The following MAPKAP1 variants were observed in gnomAD, a reference collection of about 807,000 sequenced individuals.
The protein encoded by MAPKAP1 is MAPK associated protein 1.
MAPKAP1 carries 20 observed loss-of-function variants against 65.7 expected under a neutral mutation model. The ratio of observed to expected loss-of-function variants is 0.30; its 90% CI spans 0.21 to 0.44. MAPKAP1 has a LOEUF of 0.44. Among genes scored for constraint, MAPKAP1 ranks in the 20% least tolerant of loss-of-function variants. The pLI is 1.00. For synonymous variants in MAPKAP1, 222 were observed against 244.3 expected, an observed-to-expected ratio of 0.91 and a Z score of 0.85; for missense variants, 423 against 648.0, an observed-to-expected ratio of 0.65 and a Z score of 3.77.
chr9:125,466,111 G>A (rs1263734983), intron 10 of MAPKAP1, among the ~76,000 whole-genome samples: 1 of 152,144 alleles, frequency 6.6e-6, no homozygotes, highest in East Asian at 1.9e-4. Context: ...TGAGAGTGGT[G>A]GCTCACGTCT....
chr9:125,444,470 C>A (rs189039134), intron 11 of MAPKAP1, 31 bp downstream of exon 11: 1 of 1,546,722 alleles, frequency 6.5e-7, no homozygotes, highest in Non-Finnish European at 8.9e-7. Context: ...GACCCACCTA[C>A]CCTGTCTCTG....
chr9:125,592,009 G>A (rs1057432346), intron 4 of MAPKAP1, among the ~76,000 whole-genome samples: 1 of 152,200 alleles, frequency 6.6e-6, no homozygotes, highest in Non-Finnish European at 1.5e-5. Flanking sequence ...GGGCAACACA[G>A]AGAAAGTGTT....
intron 1 of MAPKAP1, among the ~76,000 whole-genome samples, chr9:125,695,494 C>T (rs1465845904): frequency 6.6e-6 from 1 of 152,108 alleles, no homozygotes; most frequent in Non-Finnish European, 1.5e-5. Flanking sequence ...TGTCATTTTT[C>T]ATTCTGATAA....
At chr9:125,479,142 A>G (rs1011993383) in intron 9 of MAPKAP1, among the ~76,000 whole-genome samples, 2 of 152,250 alleles carry the variant, frequency 1.3e-5, no homozygotes, top group African/African-American at 2.4e-5. Flanking sequence ...CAGCGCATGC[A>G]AAGAGAACAA....
intron 5 of MAPKAP1, among the ~76,000 whole-genome samples, chr9:125,574,037 A>G (rs1831320400): frequency 6.6e-6 from 1 of 152,250 alleles, no homozygotes; most frequent in Non-Finnish European, 1.5e-5. Flanking sequence ...TGCCTGGTAT[A>G]TAGCAAACAC....
rs144615768 is a variant in MAPKAP1, at chr9:125,638,869, G to C, written c.498+18782C>G. ...CAAAAGGAACGATCACCACCTTTGG[G>C]GCCAACCCCTTCGGGAAAACATGGA... On this transcript the variant is annotated intron_variant, in intron 4 of 11. Coordinates refer to ENST00000265960, the MANE Select transcript of MAPKAP1 (RefSeq NM_001006617.3). Among the ~76,000 whole-genome samples the C allele has an allele frequency of 4.1e-3, 625 of 152,288 alleles. 6 individuals are homozygous for C. The highest frequency in any genetic ancestry group is 0.014 in the African/African-American group (590 of 41,542).
chr9:125,684,327 A>G (rs1054335420), intron 1 of MAPKAP1, among the ~76,000 whole-genome samples: 1 of 152,170 alleles, frequency 6.6e-6, no homozygotes, highest in African/African-American at 2.4e-5. Context: ...GATGGCTGCT[A>G]TTAGTAGCCA....
rs140541980 is a variant in MAPKAP1 at position 125,533,329 on chromosome 9, G to T, written c.958+9730C>A. Among the ~76,000 whole-genome samples, 197 of 152,244 alleles carry T rather than the reference G, an allele frequency of 1.3e-3. 1 individual carries two copies. Among genetic ancestry groups the T allele is most frequent in the African/African-American group, 4.6e-3 (190 of 41,546 alleles). ...GACCCAGAAATGCAAATTAAAATGA[G>T]ATACTGGCTGCTAACCATCAGTTTG... On this transcript the variant is annotated intron_variant, in intron 7 of 11. Coordinates refer to ENST00000265960, the MANE Select transcript of MAPKAP1 (RefSeq NM_001006617.3).
At chr9:125,472,968 T>C (rs1853973793) in intron 9 of MAPKAP1, among the ~76,000 whole-genome samples, 1 of 152,236 alleles carries the variant, frequency 6.6e-6, no homozygotes, top group Admixed American at 6.5e-5. Context: ...GAATTCAGTA[T>C]CCTTTCTCGA....
chr9:125,649,798 C>CAAAAAAAAAAA (rs35503728), intron 4 of MAPKAP1, among the ~76,000 whole-genome samples: 1 of 76,222 alleles, frequency 1.3e-5, no homozygotes, highest in Non-Finnish European at 2.6e-5. Context: ...AACTCCGTCT[C>CAAAAAAAAAAA]AAAAAAAAAA....
At chr9:125,474,756 TA>T (rs1854042563) in intron 9 of MAPKAP1, among the ~76,000 whole-genome samples, 1 of 152,186 alleles carries the variant, frequency 6.6e-6, no homozygotes, top group South Asian at 2.1e-4. Flanking sequence ...TATTTCCTGT[TA>T]TCATTTGCTC....
chr9:125,452,115 T>C (rs1852978581), intron 10 of MAPKAP1, among the ~76,000 whole-genome samples: 1 of 152,042 alleles, frequency 6.6e-6, no homozygotes, highest in Non-Finnish European at 1.5e-5. Flanking sequence ...AGCCCGTTTT[T>C]TTGAGACAGA....
intron 6 of MAPKAP1, among the ~76,000 whole-genome samples, chr9:125,550,306 T>C (rs767067983): frequency 1.3e-5 from 2 of 152,054 alleles, no homozygotes; most frequent in Non-Finnish European, 2.9e-5. Flanking sequence ...GACTCCGACA[T>C]AAGCTGAGGG....
chr9:125,655,283 T>A (rs1158235890), intron 4 of MAPKAP1, among the ~76,000 whole-genome samples: 1 of 152,120 alleles, frequency 6.6e-6, no homozygotes, highest in East Asian at 1.9e-4. Flanking sequence ...TAACAAAAAT[T>A]TAGTGCTGAA....
At chr9:125,524,239 G>A (rs2133121966) in intron 7 of MAPKAP1, among the ~76,000 whole-genome samples, 1 of 152,282 alleles carries the variant, frequency 6.6e-6, no homozygotes, top group South Asian at 2.1e-4. Context: ...GTGGGGTCAA[G>A]CACTACCACC....
chr9:125,456,362 C>G (rs962299099), intron 10 of MAPKAP1, among the ~76,000 whole-genome samples: 5 of 152,186 alleles, frequency 3.3e-5, no homozygotes, highest in African/African-American at 1.2e-4. Context: ...TGCTATGACT[C>G]CAAAGGCTCT....
intron 1 of MAPKAP1, among the ~76,000 whole-genome samples, chr9:125,706,037 A>T (rs1835747039): frequency 6.6e-6 from 1 of 152,194 alleles, no homozygotes; most frequent in Non-Finnish European, 1.5e-5. Context: ...TGAATGGGAA[A>T]GGGCTACCAG....
intron 7 of MAPKAP1, among the ~76,000 whole-genome samples, chr9:125,520,916 C>A (rs544887737): frequency 6.6e-6 from 1 of 152,266 alleles, no homozygotes; most frequent in East Asian, 1.9e-4. Flanking sequence ...AATGGAAGAC[C>A]ATCATTGACA....
At chr9:125,655,391 C>T (rs1362292370) in intron 4 of MAPKAP1, among the ~76,000 whole-genome samples, 1 of 152,148 alleles carries the variant, frequency 6.6e-6, no homozygotes, top group African/African-American at 2.4e-5. Context: ...GATCTTAACT[C>T]TAGAGGCAGC....
Sources: gnomAD v4.1 joint callset for allele counts (sites outside exome capture counted in the v4.1 genomes callset) on GRCh38, gnomAD v4.1.1 for gene constraint, MANE v1.5 for transcripts, NCBI Gene and HGNC (gene_info 2026-07-23, HGNC 2026-07-21) for gene names.